The following ERC1 variants were observed in gnomAD, a reference collection of about 807,000 sequenced individuals.
The protein encoded by ERC1 is RAB6 interacting protein 2.
Under a neutral mutation model 132.0 loss-of-function variants are expected in ERC1, and 56 were observed. That is an observed-to-expected ratio of 0.42 (90% CI 0.34 to 0.53). The LOEUF (loss-of-function observed/expected upper bound fraction) is 0.53, where lower values mean the gene tolerates loss of function less well. Among genes scored for constraint, ERC1 ranks in the 20% least tolerant of loss-of-function variants. The pLI is 0.03. For synonymous variants in ERC1, 478 were observed against 476.1 expected (o/e 1.00, Z -0.05); for missense variants, 1,202 against 1,349.9 (o/e 0.89, Z 1.72).
chr12:1,072,616 G>T (rs1184988543), intron 2 of ERC1, among the ~76,000 whole-genome samples: 1 of 152,144 alleles, frequency 6.6e-6, no homozygotes, highest in African/African-American at 2.4e-5. Flanking sequence ...CAAGAAAAAT[G>T]TATGGTCTTC....
intron 2 of ERC1, among the ~76,000 whole-genome samples, chr12:1,044,662 A>G (rs1565851456): frequency 6.6e-6 from 1 of 152,210 alleles, no homozygotes; most frequent in African/African-American, 2.4e-5. Flanking sequence ...TTTATAATAT[A>G]TTTTGAAGTA....
intron 8 of ERC1, among the ~76,000 whole-genome samples, chr12:1,165,923 GAAAC>G (rs544239139): frequency 0.013 from 1,910 of 152,258 alleles, 22 homozygotes; most frequent in Non-Finnish European, 0.018. Flanking sequence ...ACTTCAGAAA[GAAAC>G]TCACACCTGC....
intron 1 of ERC1, among the ~76,000 whole-genome samples, chr12:1,004,636 ACCTTGTGAT>A (rs1963172792): frequency 6.6e-6 from 1 of 151,150 alleles, no homozygotes; most frequent in Non-Finnish European, 1.5e-5. Context: ...CAAACTCCTG[ACCTTGTGAT>A]CCAACCGCCT....
chr12:1,108,972 A>G (rs1945554140), intron 4 of ERC1, among the ~76,000 whole-genome samples: 1 of 152,210 alleles, frequency 6.6e-6, no homozygotes, highest in African/African-American at 2.4e-5. Flanking sequence ...GGTAAAGTAG[A>G]AAAGGAGTTA....
chr12:1,196,949 CACACACACACACATAT>C lies in ERC1; in HGVS notation c.2351+6899_2351+6914del, dbSNP rs1227241919. Reference sequence around the variant, plus strand: ...ACACACACACACACACACACACACACACACACACACACATATATATATATATATTTTTTTTTTTTTT... The same window carrying C: ...ACACACACACACACACACACACACACATATATATATATTTTTTTTTTTTTT... On this transcript the variant is annotated intron_variant, in intron 12 of 18. Coordinates refer to ENST00000360905, the MANE Select transcript of ERC1 (RefSeq NM_178040.4). 9.6e-3 allele frequency among the ~76,000 whole-genome samples: 359 copies of C among 37,480 alleles called. 16 individuals carry two copies. Among genetic ancestry groups the C allele is most frequent in the African/African-American group, 0.052 (132 of 2,540 alleles). 24.6% of individuals were successfully genotyped at this position (37,480 alleles called of 152,430 possible). A position where few individuals can be genotyped will look rare whatever the true frequency, so the allele number is the denominator to read the frequency against.
At chr12:1,006,594 C>T (rs992091072) in intron 1 of ERC1, among the ~76,000 whole-genome samples, 2 of 151,978 alleles carry the variant, frequency 1.3e-5, no homozygotes, top group Non-Finnish European at 2.9e-5. Flanking sequence ...TGGGGTTTTG[C>T]CGTGTTGCCC....
At chr12:1,259,321 A>G (rs2154321309) in intron 13 of ERC1, among the ~76,000 whole-genome samples, 1 of 152,126 alleles carries the variant, frequency 6.6e-6, no homozygotes, top group East Asian at 1.9e-4. Flanking sequence ...ACATCTTATC[A>G]TAGATGATGA....
chr12:1,255,242 A>C (rs1205649448), intron 13 of ERC1, among the ~76,000 whole-genome samples: 2 of 152,112 alleles, frequency 1.3e-5, no homozygotes, highest in Non-Finnish European at 1.5e-5. Flanking sequence ...TAGGGTTTCC[A>C]GCTTCATCCA....
In ERC1 at chr12:1,463,697, CTGTGTGTGTGTG is replaced by C. The variant is rs57210462; in HGVS notation, c.3213+18971_3213+18982del. On this transcript the variant is annotated intron_variant, in intron 18 of 18. Coordinates refer to ENST00000360905, the MANE Select transcript of ERC1 (RefSeq NM_178040.4). Reference sequence around the variant, plus strand: ...GAAGAGAGGGGTTGGGGTGCTAAGACTGTGTGTGTGTGTGTGTGTGTGTGTGTGTGTGTGTCT... The same window carrying C: ...GAAGAGAGGGGTTGGGGTGCTAAGACTGTGTGTGTGTGTGTGTGTGTGTCT... Among the ~76,000 whole-genome samples, 49 of 136,126 alleles carry C rather than the reference CTGTGTGTGTGTG, an allele frequency of 3.6e-4. 1 individual carries two copies. Among genetic ancestry groups the C allele is most frequent in the African/African-American group, 1.3e-3 (43 of 34,136 alleles). 89.3% of individuals were successfully genotyped at this position (136,126 alleles called of 152,430 possible).
chr12:1,307,750 C>T (rs2080991962), intron 15 of ERC1, among the ~76,000 whole-genome samples: 1 of 152,080 alleles, frequency 6.6e-6, no homozygotes, highest in Non-Finnish European at 1.5e-5. Flanking sequence ...GTCAGAGGAT[C>T]AATGTCCTCT....
chr12:1,020,160 A>G (rs1265249646), intron 1 of ERC1, among the ~76,000 whole-genome samples: 1 of 152,160 alleles, frequency 6.6e-6, no homozygotes, highest in Non-Finnish European at 1.5e-5. Context: ...AACTTACTGG[A>G]TTTAAAGAAC....
At chr12:1,408,306 T>G (rs1406404679) in intron 17 of ERC1, 59 bp downstream of exon 17, 4 of 1,271,888 alleles carry the variant, frequency 3.1e-6, no homozygotes, top group Admixed American at 4.0e-5. Context: ...TTGAAATGTT[T>G]TTGTACTAGC....
At chr12:1,408,033 T>C in intron 16 of ERC1, 116 bp from the exon 17 acceptor site, 1 of 674,280 alleles carries the variant, frequency 1.5e-6, no homozygotes, top group Non-Finnish European at 2.5e-6. Context: ...TAGTTTATTT[T>C]ATTGCAGACA....
chr12:1,353,238 G>C (rs899687215), intron 15 of ERC1, among the ~76,000 whole-genome samples: 6 of 151,962 alleles, frequency 3.9e-5, no homozygotes, highest in Non-Finnish European at 7.4e-5. Flanking sequence ...CACCGTGTTA[G>C]CCAGGATGGT....
chr12:1,334,892 T>C (rs1193778212), intron 15 of ERC1, among the ~76,000 whole-genome samples: 2 of 152,234 alleles, frequency 1.3e-5, no homozygotes, highest in East Asian at 3.8e-4. Context: ...GTTTGTGTCA[T>C]TTCTGATTTC....
chr12:1,462,820 G>A (rs962412824), intron 18 of ERC1, among the ~76,000 whole-genome samples: 2 of 152,008 alleles, frequency 1.3e-5, no homozygotes, highest in African/African-American at 4.8e-5. Context: ...ATATGGCAAC[G>A]TTTAAAAAAA....
In ERC1 at chr12:1,193,431, T is replaced by TAC. The variant is rs57726333; in HGVS notation, c.2351+3403_2351+3404dup. Among the ~76,000 whole-genome samples, 1,216 of 149,140 alleles carry TAC rather than the reference T, an allele frequency of 8.2e-3. 9 individuals carry two copies. Among genetic ancestry groups the TAC allele is most frequent in the South Asian group, 0.043 (205 of 4,714 alleles). ...TCAGTGAGAAGCAGAATTAGTAGGA[T>TAC]ACACACACACACACACACACACACA... On this transcript the variant is annotated intron_variant, in intron 12 of 18. Transcript: ENST00000360905.
intron 15 of ERC1, among the ~76,000 whole-genome samples, chr12:1,310,268 C>A (rs1237477382): frequency 1.4e-5 from 2 of 138,100 alleles, no homozygotes; most frequent in East Asian, 4.3e-4. Context: ...CTCTAATCTC[C>A]CAGACTGGAG....
intron 17 of ERC1, among the ~76,000 whole-genome samples, chr12:1,414,572 CTT>C (rs2092016604): frequency 6.6e-6 from 1 of 152,196 alleles, no homozygotes; most frequent in South Asian, 2.1e-4. Context: ...GCACATGTGA[CTT>C]AGTCTCCGCC....
Sources: allele counts gnomAD v4.1 joint callset (sites outside exome capture counted in the v4.1 genomes callset), GRCh38; gene constraint gnomAD v4.1.1; transcripts MANE v1.5; gene names NCBI Gene and HGNC (gene_info 2026-07-23, HGNC 2026-07-21).